The following UST variants were observed in gnomAD, a reference collection of about 807,000 sequenced individuals.
UST encodes the protein uronyl 2-sulfotransferase, also known as chondroitin sulfate 2-O-sulfotransferase.
A neutral mutation model predicts 45.6 loss-of-function variants in UST; 21 were observed. The observed-to-expected ratio is 0.46, with a 90% CI of 0.33 to 0.66. The LOEUF is 0.66. UST is among the 30% of genes least tolerant of loss of function. The pLI is 0.02. For missense variants in UST, 463 were observed against 512.4 expected, an observed-to-expected ratio of 0.90 and a Z score of 0.93; for synonymous variants, 215 against 200.6, an observed-to-expected ratio of 1.07 and a Z score of -0.61.
intron 1 of UST, among the ~76,000 whole-genome samples, chr6:148,756,963 A>C (rs1776112085): frequency 6.6e-6 from 1 of 152,232 alleles, no homozygotes; most frequent in Admixed American, 6.5e-5. Context: ...TGCTCTTTGA[A>C]GCTGATGCTC....
At chr6:148,995,510 G>T (rs1167101860) in intron 5 of UST, among the ~76,000 whole-genome samples, 4 of 152,124 alleles carry the variant, frequency 2.6e-5, no homozygotes, top group African/African-American at 9.7e-5. Context: ...AACTCTACTT[G>T]TTCCTTATCT....
intron 7 of UST, among the ~76,000 whole-genome samples, chr6:149,034,413 C>T (rs1415686944): frequency 6.7e-6 from 1 of 150,170 alleles, no homozygotes; most frequent in African/African-American, 2.5e-5. Context: ...CAGAGGCCCT[C>T]TCCTCTTTCC....
chr6:148,820,370 G>A lies in UST; in HGVS notation c.248-66616G>A, dbSNP rs141663238. Among the ~76,000 whole-genome samples, 178 of 152,036 alleles carry A rather than the reference G, an allele frequency of 1.2e-3. 1 individual carries two copies. Among genetic ancestry groups the A allele is most frequent in the African/African-American group, 4.0e-3 (165 of 41,416 alleles). ...GTATATCATTATTATTTAATTTTCT[G>A]AACTATATGAAAGTTGGTTGTTGAC... is the stretch of plus-strand genomic sequence containing the variant. On this transcript the variant is annotated intron_variant, in intron 1 of 7. Coordinates refer to ENST00000367463, the MANE Select transcript of UST (RefSeq NM_005715.3).
chr6:148,862,966 T>C (rs1409321334), intron 1 of UST, among the ~76,000 whole-genome samples: 1 of 152,194 alleles, frequency 6.6e-6, no homozygotes, highest in Non-Finnish European at 1.5e-5. Flanking sequence ...AATCTGACAA[T>C]TAGGTGTCTT....
intron 1 of UST, among the ~76,000 whole-genome samples, chr6:148,863,153 T>A (rs947990614): frequency 6.6e-6 from 1 of 152,246 alleles, no homozygotes; most frequent in East Asian, 1.9e-4. Context: ...GTAGATTTGG[T>A]CTTTTCATAT....
At chr6:148,989,098 C>T (rs113289960) in intron 5 of UST, among the ~76,000 whole-genome samples, 118 of 152,172 alleles carry the variant, frequency 7.8e-4, no homozygotes, top group African/African-American at 2.5e-3. Context: ...ACACAAGAGG[C>T]ACATAATTCA....
At chr6:148,949,430 ATAATAT>A (rs1179205131) in intron 3 of UST, among the ~76,000 whole-genome samples, 1,889 of 54,988 alleles carry the variant, frequency 0.034, 32 homozygotes, top group African/African-American at 0.083. Context: ...AATAATAATA[ATAATAT>A]TACTTATTCA....
At chr6:148,787,773 C>G (rs1194690667) in intron 1 of UST, among the ~76,000 whole-genome samples, 1 of 152,108 alleles carries the variant, frequency 6.6e-6, no homozygotes, top group Non-Finnish European at 1.5e-5. Flanking sequence ...GTATAAATTG[C>G]TTTGAGCAGT....
intron 5 of UST, among the ~76,000 whole-genome samples, chr6:149,011,291 A>G (rs369241091): frequency 4.6e-5 from 7 of 152,278 alleles, no homozygotes; most frequent in African/African-American, 1.7e-4. Flanking sequence ...GATAGAGTAG[A>G]AGATTGGTTG....
intron 2 of UST, among the ~76,000 whole-genome samples, chr6:148,936,770 A>C (rs1234203088): frequency 1.3e-5 from 2 of 152,068 alleles, no homozygotes; most frequent in Non-Finnish European, 1.5e-5. Flanking sequence ...ATCTCAGCTC[A>C]CTGCAATCTC....
intron 2 of UST, among the ~76,000 whole-genome samples, chr6:148,937,438 A>G (rs1307609785): frequency 6.6e-6 from 1 of 152,210 alleles, no homozygotes; most frequent in Non-Finnish European, 1.5e-5. Flanking sequence ...TATTAGTTGG[A>G]AGCTTGCCAC....
chr6:149,067,319 T>C (rs1445551155), intron 7 of UST, among the ~76,000 whole-genome samples: 1 of 152,204 alleles, frequency 6.6e-6, no homozygotes, highest in African/African-American at 2.4e-5. Flanking sequence ...AATTTCTAGG[T>C]AGATAAGGGA....
chr6:148,802,438 G>C (rs1777071843), intron 1 of UST, among the ~76,000 whole-genome samples: 1 of 152,062 alleles, frequency 6.6e-6, no homozygotes, highest in African/African-American at 2.4e-5. Context: ...GTTTATTTAA[G>C]GCTCAATGGA....
chr6:148,838,987 AC>A (rs1777842788), intron 1 of UST, among the ~76,000 whole-genome samples: 2 of 152,328 alleles, frequency 1.3e-5, no homozygotes, highest in South Asian at 4.1e-4. Context: ...TATCTATTTA[AC>A]CGGCTAATAT....
At chr6:148,968,837 G>A (rs767886550) in intron 5 of UST, among the ~76,000 whole-genome samples, 8 of 152,178 alleles carry the variant, frequency 5.3e-5, no homozygotes, top group Non-Finnish European at 8.8e-5. Context: ...ACTTCACTAG[G>A]CCATCCTCCA....
chr6:148,907,416 G>C (rs893265809), intron 2 of UST, among the ~76,000 whole-genome samples: 4 of 152,204 alleles, frequency 2.6e-5, no homozygotes, highest in African/African-American at 9.6e-5. Context: ...ATATGTTGTA[G>C]GGATACCACA....
intron 5 of UST, among the ~76,000 whole-genome samples, chr6:148,975,840 G>A (rs1344017417): frequency 6.6e-6 from 1 of 152,186 alleles, no homozygotes; most frequent in Non-Finnish European, 1.5e-5. Flanking sequence ...CGGAGGCTGT[G>A]AGTTGTCTAT....
intron 1 of UST, among the ~76,000 whole-genome samples, chr6:148,778,970 C>T (rs1776586284): frequency 6.6e-6 from 1 of 152,142 alleles, no homozygotes; most frequent in Non-Finnish European, 1.5e-5. Context: ...AGCAGCTCAG[C>T]CCATTGCCCT....
chr6:149,074,174 G>A lies in UST; in HGVS notation c.*58G>A. The A allele has an allele frequency of 6.4e-7, 1 of 1,570,480 alleles. No individual in the cohort carries two copies. The highest frequency in any genetic ancestry group is 1.2e-5 in the South Asian group (1 of 85,548). On this transcript the variant is annotated 3_prime_UTR_variant, in exon 8 of 8. Coordinates refer to ENST00000367463, the MANE Select transcript of UST (RefSeq NM_005715.3). ...CTTTTCCAGAAAGTTCTTTGTTTGG[G>A]GAAGTAAAATCCTTAAGGGACTAAA...
Sources: allele counts gnomAD v4.1 joint callset (sites outside exome capture counted in the v4.1 genomes callset), GRCh38; gene constraint gnomAD v4.1.1; transcripts MANE v1.5; gene names NCBI Gene and HGNC (gene_info 2026-07-23, HGNC 2026-07-21).